The following LOC400499 variants were observed in gnomAD, a reference collection of about 807,000 sequenced individuals.
At chr16:11,424,618 C>G in the LOC400499 span, among the ~76,000 whole-genome samples, 1 of 152,234 alleles carries the variant, frequency 6.6e-6, no homozygotes, top group Non-Finnish European at 1.5e-5. Flanking sequence ...AGACCCATGT[C>G]CCTTAGGACT....
the LOC400499 span, among the ~76,000 whole-genome samples, chr16:11,386,235 CCT>C: frequency 6.6e-6 from 1 of 152,104 alleles, no homozygotes; most frequent in African/African-American, 2.4e-5. Context: ...CAGTGCGGCC[CCT>C]GAGCTGTGGC....
At chr16:11,515,716 A>AGGAAAAGGGAGG in the LOC400499 span, among the ~76,000 whole-genome samples, 1 of 87,172 alleles carries the variant, frequency 1.1e-5, no homozygotes, top group South Asian at 3.9e-4. Context: ...AGGGAGGAGG[A>AGGAAAAGGGAGG]AGGAGGAGGA....
the LOC400499 span, chr16:11,393,562 G>A: frequency 9.7e-6 from 12 of 1,232,268 alleles, no homozygotes; most frequent in South Asian, 4.1e-5. Flanking sequence ...CCACGAAGCT[G>A]GGAGGGGGAA....
the LOC400499 span, chr16:11,460,091 C>T: frequency 5.4e-6 from 7 of 1,308,408 alleles, no homozygotes; most frequent in East Asian, 2.9e-5. Context: ...CCCATGGAGG[C>T]CCTGCCCACC....
chr16:11,521,915 C>A, the LOC400499 span: 1 of 399,132 alleles, frequency 2.5e-6, no homozygotes. Flanking sequence ...TCCTCCCCAG[C>A]ATCAACGTGA....
the LOC400499 span, among the ~76,000 whole-genome samples, chr16:11,414,179 G>A: frequency 3.3e-5 from 5 of 152,234 alleles, no homozygotes; most frequent in African/African-American, 1.2e-4. Flanking sequence ...AGCAGACCTG[G>A]TTATAGCGAT....
At chr16:11,500,156 G>C in the LOC400499 span, among the ~76,000 whole-genome samples, 1 of 152,164 alleles carries the variant, frequency 6.6e-6, no homozygotes, top group African/African-American at 2.4e-5. Flanking sequence ...TTCACACACA[G>C]CATTTCATTC....
chr16:11,493,646 C>G, the LOC400499 span: 1 of 397,414 alleles, frequency 2.5e-6, no homozygotes, highest in Non-Finnish European at 4.4e-6. Context: ...GGGCTCACGT[C>G]TGCAGAGCAG....
the LOC400499 span, among the ~76,000 whole-genome samples, chr16:11,477,287 C>G: frequency 6.6e-6 from 1 of 152,242 alleles, no homozygotes; most frequent in Non-Finnish European, 1.5e-5. Flanking sequence ...TCTGCATTCC[C>G]CATGTCAAAC....
chr16:11,457,322 G>A, the LOC400499 span, among the ~76,000 whole-genome samples: 16 of 152,314 alleles, frequency 1.1e-4, no homozygotes, highest in African/African-American at 2.4e-4. Context: ...GGCCGGGCAC[G>A]GTGGCTCACG....
the LOC400499 span, among the ~76,000 whole-genome samples, chr16:11,497,949 G>C: frequency 6.6e-6 from 1 of 152,098 alleles, no homozygotes; most frequent in African/African-American, 2.4e-5. Context: ...CATTTTTAAA[G>C]ATGGAAAAAT....
the LOC400499 span, among the ~76,000 whole-genome samples, chr16:11,426,661 G>A: frequency 6.6e-6 from 1 of 151,788 alleles, no homozygotes; most frequent in East Asian, 1.9e-4. Flanking sequence ...GGGTGCAGTG[G>A]CTCATACCTG....
chr16:11,455,448 G>A, the LOC400499 span, among the ~76,000 whole-genome samples: 1 of 152,052 alleles, frequency 6.6e-6, no homozygotes, highest in African/African-American at 2.4e-5. Context: ...AAGACTTGGG[G>A]TAGGGGCCAG....
chr16:11,456,845 C>T, the LOC400499 span: 1 of 1,536,302 alleles, frequency 6.5e-7, no homozygotes, highest in Non-Finnish European at 8.7e-7. Flanking sequence ...GGAGGCCCCA[C>T]AGCCAACACT....
At chr16:11,398,093 C>T in the LOC400499 span, among the ~76,000 whole-genome samples, 1 of 152,136 alleles carries the variant, frequency 6.6e-6, no homozygotes, top group Non-Finnish European at 1.5e-5. Context: ...TGAGCATTCC[C>T]GCATCATGTC....
the LOC400499 span, among the ~76,000 whole-genome samples, chr16:11,517,138 G>A: frequency 1.9e-4 from 29 of 152,004 alleles, no homozygotes; most frequent in African/African-American, 5.6e-4. Flanking sequence ...GGTGCAAGTC[G>A]ACACCACACC....
the LOC400499 span, among the ~76,000 whole-genome samples, chr16:11,460,785 T>C: frequency 6.6e-6 from 1 of 152,234 alleles, no homozygotes; most frequent in Non-Finnish European, 1.5e-5. Context: ...TGGGTGAATG[T>C]CTCCTCAACA....
chr16:11,501,143 C>G, the LOC400499 span, among the ~76,000 whole-genome samples: 5 of 152,102 alleles, frequency 3.3e-5, no homozygotes, highest in Non-Finnish European at 7.4e-5. Context: ...GGCCCGTGCT[C>G]TCAGCACAGC....
chr16:11,423,810 G>C, the LOC400499 span, among the ~76,000 whole-genome samples: 6 of 152,362 alleles, frequency 3.9e-5, no homozygotes, highest in Middle Eastern at 3.4e-3. Flanking sequence ...CATTCTACCA[G>C]ACAGGGCCTG....
Sources: gnomAD v4.1 joint callset for allele counts (sites outside exome capture counted in the v4.1 genomes callset) on GRCh38, gnomAD v4.1.1 for gene constraint, MANE v1.5 for transcripts.